ANKRD60: variants seen among roughly 807,000 people sequenced by gnomAD.
ANKRD60 encodes the protein ankyrin repeat domain-containing protein 60.
ANKRD60 carries 24 observed loss-of-function variants against 21.3 expected under a neutral mutation model. The observed-to-expected ratio is 1.13, with a 90% CI of 0.82 to 1.59. The LOEUF is 1.59. Ranked by LOEUF, ANKRD60 falls within the 40% of genes most tolerant of loss-of-function variation. The probability of loss-of-function intolerance (pLI) is 0.00; values close to 1 mark genes in which losing one functional copy is unlikely to be tolerated. For missense variants in ANKRD60, 490 were observed against 466.7 expected (o/e 1.05, Z -0.46); for synonymous variants, 182 against 199.4 (o/e 0.91, Z 0.74).
chr20:58,222,900 T>C (rs112997236), intron 2 of ANKRD60, among the ~76,000 whole-genome samples, 152 bp downstream of exon 2: 43 of 152,180 alleles, frequency 2.8e-4, no homozygotes, highest in African/African-American at 1.0e-3. Flanking sequence ...AAACCCTCAG[T>C]GCGGTATTTC....
intron 3 of ANKRD60, 41 bp from the exon 4 acceptor site, chr20:58,218,846 G>A (rs1984188483): frequency 1.3e-6 from 2 of 1,488,746 alleles, no homozygotes; most frequent in Non-Finnish European, 1.8e-6. Context: ...GACATGCGGA[G>A]GGGGAACACA....
intron 3 of ANKRD60, among the ~76,000 whole-genome samples, chr20:58,219,423 T>C: frequency 6.6e-6 from 1 of 152,110 alleles, no homozygotes. Context: ...GGGCAGAAAA[T>C]ACACACATCT....
chr20:58,225,207 C>T (rs1245953904), intron 1 of ANKRD60, among the ~76,000 whole-genome samples: 1 of 152,204 alleles, frequency 6.6e-6, no homozygotes, highest in African/African-American at 2.4e-5. Flanking sequence ...CCCCCTCTCT[C>T]GCGCTCCCTC....
downstream of ANKRD60, among the ~76,000 whole-genome samples, chr20:58,217,871 C>T (rs144023694): frequency 9.5e-4 from 145 of 152,268 alleles, 1 homozygote; most frequent in Middle Eastern, 3.4e-3. Context: ...CTGTTTCCTC[C>T]CCATCTAGCA....
Position 58,223,111 on chromosome 20 carries a change from A to AGACG in ANKRD60, c.501_502insCGTC (p.Trp168ArgfsTer5). Reference sequence around the variant, plus strand: ...AGTTCTGTCCATCCGTCATGATGCCAGATACATAATGAAATAATCCCTCCA... The same window carrying AGACG: ...AGTTCTGTCCATCCGTCATGATGCCAGACGGATACATAATGAAATAATCCCTCCA... On this transcript the variant is annotated frameshift_variant, in exon 2 of 4. Transcript: ENST00000457363. LOFTEE classifies it high-confidence loss of function. 5.8e-6 allele frequency: 9 copies of AGACG among 1,551,892 alleles called. No homozygotes were observed. In the South Asian group the frequency reaches 8.3e-5, roughly 14 times the overall value.
chr20:58,220,769 C>A (rs1428561154), intron 3 of ANKRD60, among the ~76,000 whole-genome samples: 1 of 151,714 alleles, frequency 6.6e-6, no homozygotes, highest in Middle Eastern at 3.4e-3. Flanking sequence ...GCTGGGACTA[C>A]AGGTACGTGC....
chr20:58,224,007 TGGGA>T (rs1984316983), intron 1 of ANKRD60, among the ~76,000 whole-genome samples: 1 of 151,762 alleles, frequency 6.6e-6, no homozygotes. Flanking sequence ...GAGGCTGAGG[TGGGA>T]GGATCACCTG....
chr20:58,218,443 C>G, downstream of ANKRD60: 6 of 1,509,044 alleles, frequency 4.0e-6, no homozygotes, highest in South Asian at 3.9e-5. Flanking sequence ...TGGGATTGAA[C>G]TCTGCAAAGT....
chr20:58,223,003 A>G, intron 2 of ANKRD60, 49 bp downstream of exon 2: 1 of 1,508,872 alleles, frequency 6.6e-7, no homozygotes, highest in Admixed American at 2.3e-5. Flanking sequence ...CCCACAATTT[A>G]CGGTTGCTTC....
chr20:58,225,174 C>T (rs962606110), intron 1 of ANKRD60, among the ~76,000 whole-genome samples: 2 of 152,136 alleles, frequency 1.3e-5, no homozygotes, highest in African/African-American at 4.8e-5. Context: ...GAGTGATAGC[C>T]CTGTGACATC....
chr20:58,218,377 T>G, downstream of ANKRD60: 1 of 981,148 alleles, frequency 1.0e-6, no homozygotes, highest in Non-Finnish European at 1.5e-6. Context: ...TAATTTCGTA[T>G]CTGATTCAGG....
chr20:58,218,209 C>T (rs895973020), downstream of ANKRD60, among the ~76,000 whole-genome samples: 1 of 152,130 alleles, frequency 6.6e-6, no homozygotes, highest in African/African-American at 2.4e-5. Flanking sequence ...GTAATTGGCT[C>T]CCATCACCCT....
Position 58,228,148 on chromosome 20 carries a change from C to T in ANKRD60, c.430+76G>A. 1 of 1,384,770 alleles carries T rather than the reference C, an allele frequency of 7.2e-7. No individual in the cohort carries two copies. The allele number at this position is 1,384,770 out of a possible 1,614,324, so 85.8% of individuals were successfully genotyped here. ...TGGGGTTTCTCACGTAAGCAGGCTT[C>T]CCTTTGGGAATCCACTTCAGAAGTG... On this transcript the variant is annotated intron_variant, in intron 1 of 3. Coordinates refer to ENST00000457363, the Ensembl canonical transcript of ANKRD60. This position sits in a 1 kb window ranked among gnomAD's most constrained non-coding sequence, Gnocchi z 5.3.
chr20:58,225,786 A>G (rs186186051), intron 1 of ANKRD60, among the ~76,000 whole-genome samples: 3 of 152,192 alleles, frequency 2.0e-5, no homozygotes, highest in Non-Finnish European at 2.9e-5. Flanking sequence ...GATTTTTTCT[A>G]TATCTTCATT....
intron 3 of ANKRD60, among the ~76,000 whole-genome samples, chr20:58,219,197 C>G (rs547290354): frequency 2.8e-4 from 42 of 152,300 alleles, no homozygotes; most frequent in East Asian, 3.9e-4. Context: ...TGCCCCAGGC[C>G]CATTCACAAC....
chr20:58,226,279 G>A (rs1266603485), intron 1 of ANKRD60, among the ~76,000 whole-genome samples: 2 of 152,092 alleles, frequency 1.3e-5, no homozygotes, highest in African/African-American at 4.8e-5. Flanking sequence ...ATGTGAAAAG[G>A]TCTGTTCTGG....
chr20:58,219,809 T>G (rs1056303565), intron 3 of ANKRD60, among the ~76,000 whole-genome samples: 1 of 152,198 alleles, frequency 6.6e-6, no homozygotes. Flanking sequence ...TTTGCAAAGC[T>G]GGCTGTAATT....
At chr20:58,223,346 G>T (rs1401196966) in intron 1 of ANKRD60, among the ~76,000 whole-genome samples, 164 bp from the exon 2 acceptor site, 1 of 152,168 alleles carries the variant, frequency 6.6e-6, no homozygotes, top group Admixed American at 6.5e-5. Context: ...GTCTGTTGTT[G>T]GTAATGCTTT....
In ANKRD60 at chr20:58,226,736, T is replaced by C. The variant is rs145753646; in HGVS notation, c.430+1488A>G. On this transcript the variant is annotated intron_variant, in intron 1 of 3. Transcript: ENST00000457363. ...TCATTCTTTGGAGCCCTTATGAAGATACTTTGAGGGGATTTGGGTTCTGGT... is the reference window on the plus strand; with the variant it reads ...TCATTCTTTGGAGCCCTTATGAAGACACTTTGAGGGGATTTGGGTTCTGGT... Among the ~76,000 whole-genome samples the C allele has an allele frequency of 3.1e-3, 465 of 152,146 alleles. 4 individuals carry two copies. The highest frequency in any genetic ancestry group is 0.011 in the African/African-American group (448 of 41,516).
Sources: gnomAD v4.1 joint callset for allele counts (sites outside exome capture counted in the v4.1 genomes callset) on GRCh38, gnomAD v4.1.1 for gene constraint, Gnocchi (gnomAD v3.1) non-coding constraint, MANE v1.5 for transcripts, NCBI Gene and HGNC (gene_info 2026-07-23, HGNC 2026-07-21) for gene names.